The following ZNF148 variants were observed in gnomAD, a reference collection of about 807,000 sequenced individuals.
ZNF148 encodes the protein zinc finger protein 148, also known as Beta-Enolase Repressor Factor-1.
A neutral mutation model predicts 67.7 loss-of-function variants in ZNF148; 7 were observed. That is an observed-to-expected ratio of 0.10 (90% confidence interval 0.06 to 0.19). ZNF148 has a LOEUF of 0.19. Ranked by LOEUF, ZNF148 falls within the 10% of genes least tolerant of loss-of-function variation. ZNF148 has a pLI of 1.00. For synonymous variants in ZNF148, 333 were observed against 330.7 expected (o/e 1.01, Z -0.08); for missense variants, 583 against 947.1 (o/e 0.62, Z 5.05).
intron 1 of ZNF148, among the ~76,000 whole-genome samples, chr3:125,335,102 C>T (rs1941437840): frequency 6.6e-6 from 1 of 152,056 alleles, no homozygotes; most frequent in Non-Finnish European, 1.5e-5. Context: ...ATACATTTTG[C>T]ACTGTACTGC....
At chr3:125,355,401 G>A (rs927449873) in intron 1 of ZNF148, among the ~76,000 whole-genome samples, 1 of 152,170 alleles carries the variant, frequency 6.6e-6, no homozygotes, top group African/African-American at 2.4e-5. Flanking sequence ...CCCACTAGAT[G>A]CCAGTGGAAC....
At chr3:125,357,387 C>G (rs1942387340) in intron 1 of ZNF148, 1 of 152,700 alleles carries the variant, frequency 6.5e-6, no homozygotes, top group African/African-American at 2.4e-5. Flanking sequence ...TACAGGCACA[C>G]TCGCGCGGGA....
At chr3:125,326,117 C>T (rs192608324) in intron 2 of ZNF148, among the ~76,000 whole-genome samples, 1 of 152,076 alleles carries the variant, frequency 6.6e-6, no homozygotes, top group African/African-American at 2.4e-5. Context: ...ATTTTTTTTG[C>T]TAGTAGACCT....
chr3:125,252,409 T>C (rs896273883), intron 7 of ZNF148, among the ~76,000 whole-genome samples: 1 of 152,088 alleles, frequency 6.6e-6, no homozygotes. Flanking sequence ...CTACAATTCA[T>C]CCAGAAATGA....
chr3:125,234,820 T>TA (rs1231509794), intron 7 of ZNF148, among the ~76,000 whole-genome samples: 4 of 152,288 alleles, frequency 2.6e-5, no homozygotes, highest in South Asian at 4.1e-4. Context: ...AAAAAGAACT[T>TA]AGAGTCTTAA....
chr3:125,248,007 C>T lies in ZNF148; in HGVS notation c.668-13678G>A, dbSNP rs577663200. On this transcript the variant is annotated intron_variant, in intron 7 of 8. Coordinates refer to ENST00000360647, the MANE Select transcript of ZNF148 (RefSeq NM_021964.3). ...CTCACTTTTCTATCAGCCAGTTATA[C>T]ACTCGGTACACAACTGGTACTAGCA... Among the ~76,000 whole-genome samples the T allele has an allele frequency of 4.6e-5, 7 of 152,312 alleles. No individual in the cohort carries two copies. In the East Asian group the frequency reaches 1.3e-3, roughly 29 times the overall value.
intron 7 of ZNF148, among the ~76,000 whole-genome samples, chr3:125,243,710 G>C (rs1243544442): frequency 6.6e-6 from 1 of 151,956 alleles, no homozygotes; most frequent in African/African-American, 2.4e-5. Flanking sequence ...TTTTTTTATA[G>C]AGACAGGGTC....
At chr3:125,304,427 T>G (rs1338891770) in intron 4 of ZNF148, among the ~76,000 whole-genome samples, 3 of 152,082 alleles carry the variant, frequency 2.0e-5, no homozygotes, top group Non-Finnish European at 4.4e-5. Flanking sequence ...GTCTGCTTGG[T>G]GCTAAGGTCT....
chr3:125,304,237 C>A (rs1939751387), intron 4 of ZNF148, among the ~76,000 whole-genome samples: 1 of 151,942 alleles, frequency 6.6e-6, no homozygotes, highest in Non-Finnish European at 1.5e-5. Flanking sequence ...AGGTGGTTCT[C>A]CATATAGAGG....
intron 1 of ZNF148, among the ~76,000 whole-genome samples, chr3:125,365,143 C>T (rs764274247): frequency 6.6e-5 from 10 of 152,234 alleles, no homozygotes; most frequent in Non-Finnish European, 8.8e-5. Flanking sequence ...CTGAAGAACA[C>T]GGACTGTGTC....
At chr3:125,235,132 T>C (rs1007239116) in intron 7 of ZNF148, among the ~76,000 whole-genome samples, 6 of 152,204 alleles carry the variant, frequency 3.9e-5, no homozygotes, top group Non-Finnish European at 7.3e-5. Context: ...CCTTGAATAA[T>C]GCTTGTTGGG....
At chr3:125,268,081 GA>G (rs911023565) in intron 7 of ZNF148, among the ~76,000 whole-genome samples, 5 of 151,362 alleles carry the variant, frequency 3.3e-5, no homozygotes, top group Admixed American at 1.3e-4. Flanking sequence ...ATAAACAAAC[GA>G]AAAAAAGTTC....
At chr3:125,322,592 G>A (rs1304657315) in intron 3 of ZNF148, among the ~76,000 whole-genome samples, 1 of 152,018 alleles carries the variant, frequency 6.6e-6, no homozygotes, top group Non-Finnish European at 1.5e-5. Context: ...CAGACACAAT[G>A]GTAACCATCC....
intron 7 of ZNF148, among the ~76,000 whole-genome samples, chr3:125,271,196 ATTCCT>A (rs1174776038): frequency 3.9e-5 from 6 of 152,218 alleles, no homozygotes; most frequent in African/African-American, 1.4e-4. Flanking sequence ...TAAATCTGAC[ATTCCT>A]TAGCTTAGCA....
intron 7 of ZNF148, among the ~76,000 whole-genome samples, chr3:125,263,872 C>G (rs535012765): frequency 3.9e-5 from 6 of 152,284 alleles, no homozygotes; most frequent in Admixed American, 3.9e-4. Flanking sequence ...AAGACAAGGC[C>G]TTGAGTAGAA....
At chr3:125,297,338 C>A (rs992456700) in intron 4 of ZNF148, among the ~76,000 whole-genome samples, 14 of 151,994 alleles carry the variant, frequency 9.2e-5, no homozygotes, top group African/African-American at 3.4e-4. Context: ...AACCATAAAG[C>A]CTCCAAAAGT....
chr3:125,307,328 G>A (rs932049459), intron 4 of ZNF148, among the ~76,000 whole-genome samples: 3 of 150,656 alleles, frequency 2.0e-5, no homozygotes, highest in African/African-American at 7.3e-5. Flanking sequence ...TTTTGAGACG[G>A]AGTCTCGCTC....
At chr3:125,258,597 C>A (rs1196212124) in intron 7 of ZNF148, among the ~76,000 whole-genome samples, 1 of 151,898 alleles carries the variant, frequency 6.6e-6, no homozygotes, top group Non-Finnish European at 1.5e-5. Context: ...ACAAGCAAAG[C>A]ATGAATCTGA....
At chr3:125,353,848 AAGATCACGTGAGCCTAGG>A (rs1942248468) in intron 1 of ZNF148, among the ~76,000 whole-genome samples, 1 of 152,124 alleles carries the variant, frequency 6.6e-6, no homozygotes, top group South Asian at 2.1e-4. Context: ...CCAAAGCGGG[AAGATCACGTGAGCCTAGG>A]AGTTTGAGAC....
Sources: gnomAD v4.1 joint callset for allele counts (sites outside exome capture counted in the v4.1 genomes callset) on GRCh38, gnomAD v4.1.1 for gene constraint, MANE v1.5 for transcripts, NCBI Gene and HGNC (gene_info 2026-07-23, HGNC 2026-07-21) for gene names.